Variants in ELOVL5 observed in about 807,000 individuals in gnomAD.
ELOVL5 encodes the protein ELOVL fatty acid elongase 5.
In ELOVL5, 8 loss-of-function variants were observed where a neutral mutation model predicts 38.6. The observed-to-expected ratio is 0.21, with a 90% CI of 0.12 to 0.37. The LOEUF is 0.37. Among genes scored for constraint, ELOVL5 ranks in the 10% least tolerant of loss-of-function variants. ELOVL5 has a pLI of 1.00. For synonymous variants in ELOVL5, 127 were observed against 133.7 expected, an observed-to-expected ratio of 0.95 and a Z score of 0.34; for missense variants, 280 against 367.8, an observed-to-expected ratio of 0.76 and a Z score of 1.95.
intron 1 of ELOVL5, among the ~76,000 whole-genome samples, chr6:53,346,502 T>C (rs1372147573): frequency 6.6e-6 from 1 of 152,064 alleles, no homozygotes; most frequent in East Asian, 1.9e-4. Flanking sequence ...AATAAGTACC[T>C]GACACAGAAA....
chr6:53,301,685 C>G (rs1319879238), intron 1 of ELOVL5, among the ~76,000 whole-genome samples: 1 of 152,156 alleles, frequency 6.6e-6, no homozygotes, highest in Non-Finnish European at 1.5e-5. Context: ...GAGCCACACA[C>G]AGAAAATAAT....
intron 1 of ELOVL5, among the ~76,000 whole-genome samples, chr6:53,305,803 G>A (rs974060905): frequency 2.6e-5 from 4 of 152,124 alleles, no homozygotes; most frequent in Admixed American, 2.6e-4. Context: ...AGACGGGGTG[G>A]CGGCCGGGCA....
At position 53,315,963 on chromosome 6, in the gene ELOVL5, G is replaced by A. The variant is rs549958818; in HGVS notation, c.-8-20256C>T. 2.0e-5 allele frequency among the ~76,000 whole-genome samples: 3 copies of A among 152,298 alleles called. No homozygotes were observed. The East Asian group carries it at 5.8e-4, about 29-fold the overall frequency. ...AAACTATACTGTAATAGCATACACTGTAATATTACCTTGGGCAAGCTGCTA... is the reference window on the plus strand; with the variant it reads ...AAACTATACTGTAATAGCATACACTATAATATTACCTTGGGCAAGCTGCTA... On this transcript the variant is annotated intron_variant, in intron 1 of 7. Transcript: ENST00000304434.
chr6:53,340,073 A>G lies in ELOVL5; in HGVS notation c.-9+8744T>C, dbSNP rs558754626. On this transcript the variant is annotated intron_variant, in intron 1 of 7. Transcript: ENST00000304434. ...TAAAAAACTTTAAAAGGAGAAAAAA[A>G]GCTTGAAGAATAAGGATACGAAGAA... Among the ~76,000 whole-genome samples the G allele has an allele frequency of 5.3e-5, 8 of 152,308 alleles. No individual in the cohort carries two copies. In the East Asian group the frequency reaches 1.3e-3, roughly 26 times the overall value.
intron 3 of ELOVL5, among the ~76,000 whole-genome samples, chr6:53,287,581 T>C (rs1035967812): frequency 6.6e-6 from 1 of 152,202 alleles, no homozygotes; most frequent in African/African-American, 2.4e-5. Context: ...TCTCTAGAGT[T>C]GAGTCCTCTT....
chr6:53,294,625 G>A, intron 2 of ELOVL5: 1 of 1,340,508 alleles, frequency 7.5e-7, no homozygotes, highest in Non-Finnish European at 9.8e-7. Context: ...GCCATTTAGA[G>A]TTGGATTTTT....
At chr6:53,287,770 C>G (rs1196238321) in intron 3 of ELOVL5, 1 of 1,131,560 alleles carries the variant, frequency 8.8e-7, no homozygotes, top group East Asian at 2.6e-5. Context: ...TAAGAAAGGC[C>G]GGAGTGCCTC....
chr6:53,337,942 T>G (rs1209073145), intron 1 of ELOVL5, among the ~76,000 whole-genome samples: 1 of 152,208 alleles, frequency 6.6e-6, no homozygotes, highest in Non-Finnish European at 1.5e-5. Context: ...ACACAAGCAT[T>G]GCTTCCAGCT....
intron 1 of ELOVL5, among the ~76,000 whole-genome samples, chr6:53,308,548 T>G (rs1331508155): frequency 1.3e-5 from 2 of 152,214 alleles, no homozygotes; most frequent in Non-Finnish European, 1.5e-5. Context: ...TAAAATCACC[T>G]AACAGCTTTA....
chr6:53,309,077 G>A (rs1561880421), intron 1 of ELOVL5, among the ~76,000 whole-genome samples: 2 of 151,956 alleles, frequency 1.3e-5, no homozygotes, highest in Non-Finnish European at 2.9e-5. Context: ...TCTTTTTTGG[G>A]GGATGCTGTT....
chr6:53,315,957 T>C (rs957985798), intron 1 of ELOVL5, among the ~76,000 whole-genome samples: 12 of 152,350 alleles, frequency 7.9e-5, no homozygotes, highest in African/African-American at 2.9e-4. Context: ...TGTAATAGCA[T>C]ACACTGTAAT....
chr6:53,328,254 A>C (rs1768635038), intron 1 of ELOVL5, among the ~76,000 whole-genome samples: 1 of 152,226 alleles, frequency 6.6e-6, no homozygotes, highest in Non-Finnish European at 1.5e-5. Flanking sequence ...CCACATTTCA[A>C]ATGCTCAAAA....
At chr6:53,293,494 T>A (rs1021313592) in intron 2 of ELOVL5, among the ~76,000 whole-genome samples, 1 of 152,064 alleles carries the variant, frequency 6.6e-6, no homozygotes, top group Non-Finnish European at 1.5e-5. Context: ...ATTTTTGTAA[T>A]TTTAGTAGAG....
intron 1 of ELOVL5, among the ~76,000 whole-genome samples, chr6:53,321,972 G>A (rs938187579): frequency 1.3e-5 from 2 of 152,158 alleles, no homozygotes; most frequent in Non-Finnish European, 2.9e-5. Context: ...ACAGTAAATA[G>A]AACTGTCTGC....
intron 1 of ELOVL5, among the ~76,000 whole-genome samples, chr6:53,317,907 T>C (rs948712750): frequency 6.6e-6 from 1 of 152,098 alleles, no homozygotes; most frequent in African/African-American, 2.4e-5. Context: ...TTTTCCCCCT[T>C]ATTTTCAAGT....
Position 53,305,387 on chromosome 6 carries a change from C to CTG in ELOVL5, c.-8-9681_-8-9680insCA, listed in dbSNP as rs1561877639. On this transcript the variant is annotated intron_variant, in intron 1 of 7. Coordinates refer to ENST00000304434, the MANE Select transcript of ELOVL5 (RefSeq NM_021814.5). Reference sequence around the variant, plus strand: ...CTGGCCTGGCGGGGGCTGACCCCCCCCCACCTCCCTCCCGGGCGGGGTGGC... The same window carrying CTG: ...CTGGCCTGGCGGGGGCTGACCCCCCCTGCCACCTCCCTCCCGGGCGGGGTGGC... 3.9e-4 allele frequency among the ~76,000 whole-genome samples: 49 copies of CTG among 126,966 alleles called. No homozygotes were observed. The East Asian group carries it at 0.011, about 29-fold the overall frequency. The allele number at this position is 126,966 out of a possible 152,430, so 83.3% of individuals were successfully genotyped here.
chr6:53,307,576 T>A (rs1254735078), intron 1 of ELOVL5, among the ~76,000 whole-genome samples: 2 of 152,228 alleles, frequency 1.3e-5, no homozygotes, highest in Non-Finnish European at 2.9e-5. Flanking sequence ...AAACTGGAGT[T>A]CCCTGCAAGG....
intron 1 of ELOVL5, among the ~76,000 whole-genome samples, chr6:53,311,939 T>C (rs1767853783): frequency 6.6e-6 from 1 of 151,966 alleles, no homozygotes; most frequent in African/African-American, 2.4e-5. Context: ...TAAAAAAAGG[T>C]TTAATATTTT....
intron 5 of ELOVL5, 28 bp from the exon 6 acceptor site, chr6:53,273,372 A>G (rs1377627644): frequency 6.2e-7 from 1 of 1,608,488 alleles, no homozygotes; most frequent in Non-Finnish European, 8.5e-7. Context: ...TTTGGGAAGG[A>G]GAATGTATTA....
Sources: gnomAD v4.1 joint callset for allele counts (sites outside exome capture counted in the v4.1 genomes callset) on GRCh38, gnomAD v4.1.1 for gene constraint, MANE v1.5 for transcripts, NCBI Gene and HGNC (gene_info 2026-07-23, HGNC 2026-07-21) for gene names.